Variants in DPY19L2 observed in about 807,000 individuals in gnomAD.
The protein encoded by DPY19L2 is probable C-mannosyltransferase DPY19L2.
In DPY19L2, 34 loss-of-function variants were observed where a neutral mutation model predicts 97.9. The ratio of observed to expected loss-of-function variants is 0.35; its 90% CI spans 0.26 to 0.46. The LOEUF (loss-of-function observed/expected upper bound fraction) is 0.46. DPY19L2 is among the 20% of genes least tolerant of loss of function. DPY19L2 has a pLI of 1.00. For synonymous variants in DPY19L2, 230 were observed against 307.9 expected (o/e 0.75, Z 2.65); for missense variants, 623 against 911.4 (o/e 0.68, Z 4.07).
At chr12:63,649,152 A>C (rs1893835909) in intron 4 of DPY19L2, among the ~76,000 whole-genome samples, 1 of 152,166 alleles carries the variant, frequency 6.6e-6, no homozygotes, top group Non-Finnish European at 1.5e-5. Context: ...GATACAACAT[A>C]CCAGGATTGC....
At chr12:63,642,376 T>C (rs2138103227) in intron 6 of DPY19L2, among the ~76,000 whole-genome samples, 1 of 152,270 alleles carries the variant, frequency 6.6e-6, no homozygotes, top group South Asian at 2.1e-4. Flanking sequence ...CTGGATTTTT[T>C]TATCTTGTTT....
At chr12:63,613,554 A>G (rs1214640870) in intron 11 of DPY19L2, among the ~76,000 whole-genome samples, 1 of 152,162 alleles carries the variant, frequency 6.6e-6, no homozygotes. Flanking sequence ...ACATTTCAAA[A>G]TGAGCCATTT....
At chr12:63,594,459 G>T (rs761984043) in intron 15 of DPY19L2, among the ~76,000 whole-genome samples, 4 of 139,770 alleles carry the variant, frequency 2.9e-5, no homozygotes, top group African/African-American at 5.6e-5. Context: ...GAGAGAGAGA[G>T]AGATAGTGTG....
At chr12:63,590,679 C>T (rs1182797133) in intron 16 of DPY19L2, among the ~76,000 whole-genome samples, 3 of 152,000 alleles carry the variant, frequency 2.0e-5, no homozygotes, top group Non-Finnish European at 4.4e-5. Context: ...TATTGTGTTT[C>T]TATATGTATT....
intron 19 of DPY19L2, among the ~76,000 whole-genome samples, chr12:63,574,520 G>A (rs1879459332): frequency 6.6e-6 from 1 of 151,758 alleles, no homozygotes; most frequent in Non-Finnish European, 1.5e-5. Context: ...AAGAGTAGCT[G>A]AATAATAAAA....
At position 63,644,303 on chromosome 12, in the gene DPY19L2, T is replaced by C. The variant is rs538882207; in HGVS notation, c.803+100A>G. 79 of 1,437,852 alleles carry C rather than the reference T, an allele frequency of 5.5e-5. 1 individual carries two copies. The South Asian group carries it at 1.1e-3, about 20-fold the overall frequency. 89.1% of individuals were successfully genotyped at this position (1,437,852 alleles called of 1,614,324 possible). A position where few individuals can be genotyped will look rare whatever the true frequency, so the allele number is the denominator to read the frequency against. On this transcript the variant is annotated intron_variant, in intron 6 of 21. Transcript: ENST00000324472. ...AGTAAATCCACAAACTTTCCTGATA[T>C]GAATCTAATCTCATTAATTTTCCTT... is the stretch of plus-strand genomic sequence containing the variant.
rs533743355 is a variant in DPY19L2, at chr12:63,628,147, G to A, written c.804-1621C>T. Among the ~76,000 whole-genome samples the A allele has an allele frequency of 3.9e-5, 6 of 152,274 alleles. 1 individual carries two copies. The highest frequency in any genetic ancestry group is 1.4e-4 in the African/African-American group (6 of 41,562). On this transcript the variant is annotated intron_variant, in intron 6 of 21. Transcript: ENST00000324472. ...TACAGCTCCCAGCATGAGCGACACA[G>A]AGGACGGGTGATTTCTGCATTTCCA...
intron 16 of DPY19L2, among the ~76,000 whole-genome samples, chr12:63,588,898 C>T (rs200387410): frequency 6.6e-5 from 10 of 151,862 alleles, no homozygotes; most frequent in Admixed American, 2.6e-4. Context: ...GGACTACAGG[C>T]GCCCACCACG....
At chr12:63,594,458 A>AGT in intron 15 of DPY19L2, among the ~76,000 whole-genome samples, 1 of 62,426 alleles carries the variant, frequency 1.6e-5, no homozygotes, top group South Asian at 4.5e-4. Flanking sequence ...TGAGAGAGAG[A>AGT]GAGATAGTGT....
chr12:63,664,370 T>C (rs921836331), intron 2 of DPY19L2, among the ~76,000 whole-genome samples: 15 of 151,852 alleles, frequency 9.9e-5, no homozygotes, highest in African/African-American at 3.4e-4. Context: ...AAAACCTCAA[T>C]TGTATATCTA....
rs1886456237 is a variant in DPY19L2 at position 63,608,687 on chromosome 12, A to G, written c.1219-12T>C. On this transcript the variant is annotated splice_polypyrimidine_tract_variant and intron_variant, in intron 11 of 21. Coordinates refer to ENST00000324472, the MANE Select transcript of DPY19L2 (RefSeq NM_173812.5). ...TTTAGAATTATTGCCTAAAATGCAC[A>G]TAAGGGAAAATGAAACAATTCAATA... 6 of 1,300,184 alleles carry G rather than the reference A, an allele frequency of 4.6e-6. No individual in the cohort carries two copies. Among genetic ancestry groups the G allele is most frequent in the South Asian group, 3.9e-5 (3 of 76,290 alleles). 80.5% of individuals were successfully genotyped at this position (1,300,184 alleles called of 1,614,324 possible).
chr12:63,611,829 G>C (rs1887056413), intron 11 of DPY19L2, among the ~76,000 whole-genome samples: 1 of 152,040 alleles, frequency 6.6e-6, no homozygotes, highest in Non-Finnish European at 1.5e-5. Context: ...CTAAATGAAA[G>C]TGAAGTGGGG....
In DPY19L2 at chr12:63,580,728, T is replaced by C. The variant is rs375198705; in HGVS notation, c.1834A>G (p.Ile612Val). Residue 612 changes from isoleucine (I) to valine (V), a missense_variant, in exon 19 of 22, where the codon ATA (isoleucine) becomes GTA (valine). Coordinates refer to ENST00000324472, the MANE Select transcript of DPY19L2 (RefSeq NM_173812.5). ...TGAGGCAAATTATTAAATTCTCCTA[T>C]TATGCTCCATTGATTACGGAGGTTT... is the stretch of plus-strand genomic sequence containing the variant. ...YANLRNQWSI[I>V]GEFNNLPQEE... 26 of 1,613,546 alleles carry C rather than the reference T, an allele frequency of 1.6e-5. No homozygotes were observed. The Middle Eastern group carries it at 4.9e-4, about 31-fold the overall frequency.
intron 21 of DPY19L2, among the ~76,000 whole-genome samples, chr12:63,565,896 A>G (rs1433175322): frequency 6.6e-6 from 1 of 152,154 alleles, no homozygotes; most frequent in African/African-American, 2.4e-5. Context: ...AAATTATTGT[A>G]TCTTTCTCCT....
At chr12:63,639,289 G>A (rs1234953421) in intron 6 of DPY19L2, among the ~76,000 whole-genome samples, 2 of 152,092 alleles carry the variant, frequency 1.3e-5, no homozygotes, top group South Asian at 2.1e-4. Context: ...ATAGGCATGG[G>A]CAAGGACTTC....
At chr12:63,627,643 C>T (rs1043015083) in intron 6 of DPY19L2, among the ~76,000 whole-genome samples, 1 of 152,178 alleles carries the variant, frequency 6.6e-6, no homozygotes, top group African/African-American at 2.4e-5. Flanking sequence ...AGCCACCGCA[C>T]CCGGCCAAAA....
At chr12:63,648,815 C>A (rs1255447995) in intron 4 of DPY19L2, among the ~76,000 whole-genome samples, 4 of 151,998 alleles carry the variant, frequency 2.6e-5, no homozygotes, top group African/African-American at 4.8e-5. Flanking sequence ...GTGAAAATCA[C>A]TCATCAAGAT....
chr12:63,631,954 C>T (rs1050713442), intron 6 of DPY19L2, among the ~76,000 whole-genome samples: 3 of 152,022 alleles, frequency 2.0e-5, no homozygotes, highest in South Asian at 2.1e-4. Context: ...ACAGAACCAA[C>T]GTCAAAAACC....
intron 16 of DPY19L2, among the ~76,000 whole-genome samples, chr12:63,584,641 T>C (rs1031014899): frequency 2.6e-5 from 4 of 152,172 alleles, no homozygotes; most frequent in African/African-American, 9.7e-5. Flanking sequence ...CTGTTAGTCA[T>C]GTAGTTACCA....
Sources: allele counts gnomAD v4.1 joint callset (sites outside exome capture counted in the v4.1 genomes callset), GRCh38; gene constraint gnomAD v4.1.1; transcripts MANE v1.5; gene names NCBI Gene and HGNC (gene_info 2026-07-23, HGNC 2026-07-21).